Variants in BCAP31 observed in about 807,000 individuals in gnomAD.
The protein encoded by BCAP31 is B-cell receptor-associated protein 31.
For missense variants in BCAP31, 124 were observed against 193.0 expected (o/e 0.64, Z 2.12); for synonymous variants, 75 against 80.9 (o/e 0.93, Z 0.39).
intron 1 of BCAP31, 50 bp from the exon 2 acceptor site, chrX:153,723,338 A>G (rs1557051497): frequency 8.6e-7 from 1 of 1,157,073 alleles, no homozygotes; most frequent in Non-Finnish European, 1.2e-6. Context: ...GCAGCCAAGA[A>G]CATCCAGTTC....
rs781844727 is a variant in BCAP31, at chrX:153,702,975, G to A, written c.561C>T (p.Asp187=). 1.7e-6 allele frequency: 2 copies of A among 1,210,315 alleles called. No homozygotes were observed. Among genetic ancestry groups the A allele is most frequent in the South Asian group, 3.5e-5 (2 of 56,959 alleles). Residue 187 remains aspartate (D), a synonymous_variant, in exon 6 of 8, where the codon GAC becomes GAT. Transcript: ENST00000345046. The part of the protein sequence containing the change: ...LEEENRSLKA[D]LQKLKDELAS... ...CCAGCTCGTCCTTTAGCTTCTGCAGGTCAGCCTTCAGGCTCCTGTTCTCTT... is the reference window on the plus strand; with the variant it reads ...CCAGCTCGTCCTTTAGCTTCTGCAGATCAGCCTTCAGGCTCCTGTTCTCTT...
At chrX:153,706,728 T>A (rs1248276087) in intron 4 of BCAP31, among the ~76,000 whole-genome samples, 3 of 112,632 alleles carry the variant, frequency 2.7e-5, no homozygotes, top group Non-Finnish European at 3.8e-5. Flanking sequence ...TTGTCCTGCC[T>A]GACCTGACCA....
intron 3 of BCAP31, among the ~76,000 whole-genome samples, chrX:153,719,358 C>G (rs1489312697): frequency 8.9e-6 from 1 of 111,832 alleles, no homozygotes; most frequent in African/African-American, 3.3e-5. Flanking sequence ...GGCTTGGAGG[C>G]TGCTCAGGGC....
intron 3 of BCAP31, among the ~76,000 whole-genome samples, chrX:153,719,100 A>G (rs992578743): frequency 4.5e-5 from 5 of 111,935 alleles, no homozygotes; most frequent in African/African-American, 6.5e-5. Context: ...CCGATCCCAA[A>G]AAAGAATGAA....
At chrX:153,716,952 G>A (rs1392212367) in intron 3 of BCAP31, among the ~76,000 whole-genome samples, 1 of 112,335 alleles carries the variant, frequency 8.9e-6, no homozygotes, top group East Asian at 2.8e-4. Flanking sequence ...GAAACGGAAA[G>A]GATCCCATAA....
intron 3 of BCAP31, among the ~76,000 whole-genome samples, chrX:153,716,965 T>C (rs782166319): frequency 9.1e-6 from 1 of 110,228 alleles, no homozygotes; most frequent in African/African-American, 3.4e-5. Context: ...TCCCATAACA[T>C]AATCACATCT....
intron 2 of BCAP31, among the ~76,000 whole-genome samples, chrX:153,722,754 G>A (rs1177915699): frequency 1.8e-5 from 2 of 111,671 alleles, no homozygotes; most frequent in East Asian, 5.6e-4. Flanking sequence ...ATACCAGTGA[G>A]ACTAGTTAGG....
chrX:153,716,023 C>T (rs1231207589), intron 3 of BCAP31, among the ~76,000 whole-genome samples: 4 of 109,431 alleles, frequency 3.7e-5, no homozygotes, highest in Admixed American at 9.8e-5. Context: ...AAATTTAGCC[C>T]GGCGTGGTGG....
chrX:153,714,197 C>G (rs1356472887), intron 4 of BCAP31, among the ~76,000 whole-genome samples: 2 of 102,638 alleles, frequency 1.9e-5, no homozygotes, highest in African/African-American at 7.0e-5. Flanking sequence ...CCATACCATT[C>G]TTAAAGCTCT....
At chrX:153,718,911 C>A (rs1276352072) in intron 3 of BCAP31, among the ~76,000 whole-genome samples, 2 of 111,630 alleles carry the variant, frequency 1.8e-5, no homozygotes, top group African/African-American at 3.3e-5. Flanking sequence ...CCCTCCCCAC[C>A]CCCAAGCAAG....
chrX:153,716,466 TGTG>T (rs2091628457), intron 3 of BCAP31, among the ~76,000 whole-genome samples: 1 of 106,191 alleles, frequency 9.4e-6, no homozygotes, highest in Non-Finnish European at 1.9e-5. Flanking sequence ...CCAGGCCAGA[TGTG>T]GTGGCTCACG....
intron 4 of BCAP31, among the ~76,000 whole-genome samples, chrX:153,706,579 A>G (rs1183898510): frequency 8.9e-6 from 1 of 111,888 alleles, no homozygotes; most frequent in East Asian, 2.8e-4. Flanking sequence ...CTGACACCCT[A>G]TACCTTCCTC....
At chrX:153,723,309 C>A in intron 1 of BCAP31, 21 bp from the exon 2 acceptor site, 2 of 1,178,925 alleles carry the variant, frequency 1.7e-6, no homozygotes, top group Non-Finnish European at 2.3e-6. Context: ...ACAAAAGGTA[C>A]GGGACTTGTA....
chrX:153,703,192 C>G, intron 5 of BCAP31, 134 bp from the exon 6 acceptor site: 1 of 936,214 alleles, frequency 1.1e-6, no homozygotes, highest in South Asian at 2.3e-5. Flanking sequence ...AACGCGGAAC[C>G]GAGCCACCAC....
At position 153,715,491 on chromosome X, in the gene BCAP31, G is replaced by A. The variant is rs782810779; in HGVS notation, c.341+51C>T. The A allele has an allele frequency of 1.2e-5, 14 of 1,195,331 alleles. No individual in the cohort carries two copies. In the South Asian group the frequency reaches 1.6e-4, roughly 14 times the overall value. The stretch of plus-strand genomic sequence containing the variant: ...GAGCCCACTGAGCTCGGTGTCCATG[G>A]CTAGCCCATGGCTCCTTTCACAGCA... On this transcript the variant is annotated intron_variant, in intron 4 of 7. Transcript: ENST00000345046.
At chrX:153,723,053 G>C (rs1328073887) in intron 2 of BCAP31, 100 bp downstream of exon 2, 1 of 1,039,769 alleles carries the variant, frequency 9.6e-7, no homozygotes, top group Non-Finnish European at 1.3e-6. Flanking sequence ...CTGTTCCATC[G>C]GGTCCCAATT....
intron 6 of BCAP31, chrX:153,702,493 T>C (rs1264716073): frequency 3.4e-5 from 6 of 177,294 alleles, no homozygotes; most frequent in Non-Finnish European, 6.2e-5. Context: ...AGGCCTGTGG[T>C]ATTGGGGGAA....
chrX:153,713,881 C>CTTTTTTT (rs1209475410), intron 4 of BCAP31, among the ~76,000 whole-genome samples: 28 of 63,529 alleles, frequency 4.4e-4, no homozygotes, highest in African/African-American at 1.5e-3. Context: ...CGATACTATT[C>CTTTTTTT]TTTTTTTTTT....
intron 4 of BCAP31, among the ~76,000 whole-genome samples, chrX:153,712,797 T>C (rs140813421): frequency 2.4e-3 from 266 of 112,632 alleles, no homozygotes; most frequent in African/African-American, 8.3e-3. Context: ...CTTGCTAGTC[T>C]AAGAGTTAAA....
Sources: allele counts gnomAD v4.1 joint callset (sites outside exome capture counted in the v4.1 genomes callset), GRCh38; gene constraint gnomAD v4.1.1; transcripts MANE v1.5; gene names NCBI Gene and HGNC (gene_info 2026-07-23, HGNC 2026-07-21).